CHST12: variants seen among roughly 807,000 people sequenced by gnomAD.
CHST12 encodes the protein carbohydrate sulfotransferase 12, also known as carbohydrate (chondroitin 4) sulfotransferase 12.
In CHST12, 23 loss-of-function variants were observed where a neutral mutation model predicts 27.9. That is an observed-to-expected ratio of 0.82 (90% CI 0.59 to 1.17). The LOEUF (loss-of-function observed/expected upper bound fraction) is 1.17, where lower values mean the gene tolerates loss of function less well. Among genes scored for constraint, CHST12 ranks in the 50% most tolerant of loss-of-function variants. CHST12 has a pLI of 0.00. For synonymous variants in CHST12, 322 were observed against 273.0 expected, an observed-to-expected ratio of 1.18 and a Z score of -1.77; for missense variants, 682 against 603.0, an observed-to-expected ratio of 1.13 and a Z score of -1.37.
chr7:2,422,938 G>A (rs948851942), intron 1 of CHST12, among the ~76,000 whole-genome samples: 7 of 150,152 alleles, frequency 4.7e-5, no homozygotes, highest in African/African-American at 1.7e-4. Context: ...ACACATCCTC[G>A]AGAGGGGTGG....
In CHST12 at chr7:2,447,055, G is replaced by A. The variant is rs1295227340; in HGVS notation, c.*13171G>A. On this transcript the variant is annotated 3_prime_UTR_variant, in exon 2 of 2. Coordinates refer to ENST00000618655, the MANE Select transcript of CHST12 (RefSeq NM_018641.5). ...GCGATCCAGCCCTGATGTGCTGAGGGTGCAGGGCCCAGCTGCAGAGCAGAG... is the reference window on the plus strand; with the variant it reads ...GCGATCCAGCCCTGATGTGCTGAGGATGCAGGGCCCAGCTGCAGAGCAGAG... 6.6e-6 allele frequency: 1 copy of A among 152,362 alleles called. No homozygotes were observed. The highest frequency in any genetic ancestry group is 1.5e-5 in the Non-Finnish European group (1 of 68,144). 9.4% of individuals were successfully genotyped at this position (152,362 alleles called of 1,614,324 possible).
chr7:2,403,544 A>T (rs1383714119), upstream of CHST12: 2 of 150,640 alleles, frequency 1.3e-5, no homozygotes, highest in Non-Finnish European at 3.0e-5. Flanking sequence ...TCGCGAGAAG[A>T]CGACCGGTAG....
chr7:2,433,764 C>T lies in CHST12; in HGVS notation c.1125C>T (p.Ser375=). Residue 375 remains serine, a synonymous_variant, in exon 2 of 2, where the codon AGC becomes AGT. Coordinates refer to ENST00000618655, the MANE Select transcript of CHST12 (RefSeq NM_018641.5). The surrounding 1 kb of genome is among the most constrained non-coding windows in gnomAD (Gnocchi z 6.1). Reference sequence around the variant, plus strand: ...GCTACCGGAACAGGACCGCCAGCAGCTGGGAGGAGGACTGGTTCGCCAAGA... The same window carrying T: ...GCTACCGGAACAGGACCGCCAGCAGTTGGGAGGAGGACTGGTTCGCCAAGA... The part of the protein sequence containing the change: ...PPSYRNRTAS[S]WEEDWFAKIP... 12 of 1,614,084 alleles carry T rather than the reference C, an allele frequency of 7.4e-6. No individual in the cohort carries two copies. Among genetic ancestry groups the T allele is most frequent in the Non-Finnish European group, 1.0e-5 (12 of 1,180,036 alleles).
intron 1 of CHST12, among the ~76,000 whole-genome samples, chr7:2,411,597 T>C (rs780241788): frequency 1.0e-4 from 14 of 139,664 alleles, no homozygotes; most frequent in Non-Finnish European, 1.6e-4. Flanking sequence ...CAAGCAATTG[T>C]CTCTGCCTCA....
rs775222372 is a variant in CHST12 at position 2,433,217 on chromosome 7, G to A, written c.578G>A (p.Gly193Asp). Residue 193 changes from glycine to aspartate, a missense_variant, in exon 2 of 2, where the codon GGT becomes GAT. Coordinates refer to ENST00000618655, the MANE Select transcript of CHST12 (RefSeq NM_018641.5). This position sits in a 1 kb window ranked among gnomAD's most constrained non-coding sequence, Gnocchi z 6.1. ...CTGAGCGGAAGCCTGCTGCACCGCGGTGCGCCCTACCGCGACCCGCTGCGC... is the reference window on the plus strand; with the variant it reads ...CTGAGCGGAAGCCTGCTGCACCGCGATGCGCCCTACCGCGACCCGCTGCGC... ...IVLSGSLLHRGAPYRDPLRIP... is the reference protein window; with the variant it reads ...IVLSGSLLHRDAPYRDPLRIP... 9.3e-6 allele frequency: 15 copies of A among 1,612,464 alleles called. No individual in the cohort carries two copies. The highest frequency in any genetic ancestry group is 6.8e-6 in the Non-Finnish European group (8 of 1,179,490).
rs1206425006 is a variant in CHST12, at chr7:2,442,083, A to G, written c.*8199A>G. On this transcript the variant is annotated 3_prime_UTR_variant, in exon 2 of 2. Transcript: ENST00000618655. ...CCCCCCAAAGCCCCTGGCACCAACC[A>G]TTCTACTTCCTGTCTCTGAGTTTGA... is the stretch of plus-strand genomic sequence containing the variant. 2.0e-5 allele frequency: 3 copies of G among 152,058 alleles called. No individual in the cohort carries two copies. Among genetic ancestry groups the G allele is most frequent in the South Asian group, 4.2e-4 (2 of 4,808 alleles). The allele number at this position is 152,058 out of a possible 1,614,324, so 9.4% of individuals were successfully genotyped here.
chr7:2,419,571 G>T (rs934317885), intron 1 of CHST12, among the ~76,000 whole-genome samples: 5 of 152,000 alleles, frequency 3.3e-5, no homozygotes, highest in African/African-American at 4.8e-5. Context: ...GCCAGGCATG[G>T]TGGTGGGAGC....
intron 1 of CHST12, among the ~76,000 whole-genome samples, chr7:2,422,795 A>G (rs1322499985): frequency 6.6e-6 from 1 of 151,682 alleles, no homozygotes; most frequent in Non-Finnish European, 1.5e-5. Flanking sequence ...CGGCTTCCCA[A>G]AGTGCTGGGA....
At chr7:2,421,051 T>A (rs1443228658) in intron 1 of CHST12, among the ~76,000 whole-genome samples, 2 of 151,436 alleles carry the variant, frequency 1.3e-5, no homozygotes, top group East Asian at 3.9e-4. Context: ...TTTTATATGA[T>A]AATTCTGTGT....
At chr7:2,431,975 TCA>T (rs1331033958) in intron 1 of CHST12, among the ~76,000 whole-genome samples, 1 of 151,808 alleles carries the variant, frequency 6.6e-6, no homozygotes, top group African/African-American at 2.4e-5. Context: ...AGCTCACTGA[TCA>T]CAGTTATTCT....
intron 1 of CHST12, among the ~76,000 whole-genome samples, chr7:2,426,326 T>C (rs952775253): frequency 6.6e-6 from 1 of 152,168 alleles, no homozygotes; most frequent in African/African-American, 2.4e-5. Flanking sequence ...CGGTATTGAC[T>C]GCACCCTACC....
Position 2,436,612 on chromosome 7 carries a change from C to T in CHST12, c.*2728C>T, listed in dbSNP as rs148470833. ...GTGAATCTGCTGAGGGCTTGTTTTCCGTATTCTGGGCATGGCCCTTTGTGT... is the reference window on the plus strand; with the variant it reads ...GTGAATCTGCTGAGGGCTTGTTTTCTGTATTCTGGGCATGGCCCTTTGTGT... On this transcript the variant is annotated 3_prime_UTR_variant, in exon 2 of 2. Transcript: ENST00000618655. The T allele has an allele frequency of 2.8e-3, 421 of 152,364 alleles. 2 individuals carry two copies. The highest frequency in any genetic ancestry group is 4.0e-3 in the Admixed American group (61 of 15,290). 9.4% of individuals were successfully genotyped at this position (152,364 alleles called of 1,614,324 possible).
intron 1 of CHST12, among the ~76,000 whole-genome samples, chr7:2,415,393 A>C (rs1562511324): frequency 6.6e-6 from 1 of 152,074 alleles, no homozygotes. Context: ...TTATGTTTAC[A>C]CTATACTGTA....
At chr7:2,404,948 A>G (rs1260620892) in intron 1 of CHST12, among the ~76,000 whole-genome samples, 1 of 152,118 alleles carries the variant, frequency 6.6e-6, no homozygotes, top group Non-Finnish European at 1.5e-5. Context: ...GCCTGGCTAC[A>G]ACTGTGTGGA....
intron 1 of CHST12, among the ~76,000 whole-genome samples, chr7:2,423,750 C>G (rs775311940): frequency 6.6e-6 from 1 of 152,154 alleles, no homozygotes; most frequent in Non-Finnish European, 1.5e-5. Context: ...GTACACTGAG[C>G]TTTTTACTGT....
At position 2,436,629 on chromosome 7, in the gene CHST12, C is replaced by T. The variant is rs568160607; in HGVS notation, c.*2745C>T. 1 of 152,200 alleles carries T rather than the reference C, an allele frequency of 6.6e-6. No homozygotes were observed. The highest frequency in any genetic ancestry group is 6.6e-5 in the Admixed American group (1 of 15,266). The allele number at this position is 152,200 out of a possible 1,614,324, so 9.4% of individuals were successfully genotyped here. A position where few individuals can be genotyped will look rare whatever the true frequency, so the allele number is the denominator to read the frequency against. On this transcript the variant is annotated 3_prime_UTR_variant, in exon 2 of 2. Coordinates refer to ENST00000618655, the MANE Select transcript of CHST12 (RefSeq NM_018641.5). ...TTGTTTTCCGTATTCTGGGCATGGCCCTTTGTGTCTGCCTTTGCTGGAGCA... is the reference window on the plus strand; with the variant it reads ...TTGTTTTCCGTATTCTGGGCATGGCTCTTTGTGTCTGCCTTTGCTGGAGCA...
intron 1 of CHST12, among the ~76,000 whole-genome samples, chr7:2,423,205 G>A (rs1244394946): frequency 6.6e-6 from 1 of 152,040 alleles, no homozygotes; most frequent in Admixed American, 6.6e-5. Context: ...CCTGGGAGGT[G>A]GAGGCTGTGG....
rs1205505740 is a variant in CHST12, at chr7:2,433,234, C to T, written c.595C>T (p.Pro199Ser). ...LLHRGAPYRD[P>S]LRIPREHVHN... ...GCACCGCGGTGCGCCCTACCGCGAC[C>T]CGCTGCGCATCCCGCGCGAGCACGT... Residue 199 changes from proline (P) to serine (S), a missense_variant, in exon 2 of 2, where the codon CCG (proline) becomes TCG (serine). Pro to Ser is a moderately conservative substitution (Grantham distance 74). Transcript: ENST00000618655. The surrounding 1 kb of genome is among the most constrained non-coding windows in gnomAD (Gnocchi z 6.1). 6.2e-7 allele frequency: 1 copy of T among 1,611,930 alleles called. No individual in the cohort carries two copies. The highest frequency in any genetic ancestry group is 1.7e-5 in the Admixed American group (1 of 59,972).
At chr7:2,409,953 T>C (rs1169321527) in intron 1 of CHST12, among the ~76,000 whole-genome samples, 1 of 152,178 alleles carries the variant, frequency 6.6e-6, no homozygotes, top group South Asian at 2.1e-4. Context: ...AGCACTTTTT[T>C]TTTTTTTCCT....
Sources: gnomAD v4.1 joint callset for allele counts (sites outside exome capture counted in the v4.1 genomes callset) on GRCh38, gnomAD v4.1.1 for gene constraint, Gnocchi (gnomAD v3.1) non-coding constraint, MANE v1.5 for transcripts, NCBI Gene and HGNC (gene_info 2026-07-23, HGNC 2026-07-21) for gene names.